The following MFAP3L variants were observed in gnomAD, a reference collection of about 807,000 sequenced individuals.
MFAP3L encodes microfibrillar-associated protein 3-like.
A neutral mutation model predicts 20.0 loss-of-function variants in MFAP3L; 5 were observed. The ratio of observed to expected loss-of-function variants is 0.25; its 90% CI spans 0.13 to 0.53. The LOEUF is 0.53. MFAP3L is among the 20% of genes least tolerant of loss of function. The pLI, the probability that MFAP3L is intolerant of heterozygous loss-of-function variation, is 0.96. For synonymous variants in MFAP3L, 219 were observed against 213.0 expected (o/e 1.03, Z -0.25); for missense variants, 409 against 527.5 (o/e 0.78, Z 2.20).
chr4:170,024,038 CAAGT>C (rs1277287417), intron 1 of MFAP3L, among the ~76,000 whole-genome samples: 1 of 152,142 alleles, frequency 6.6e-6, no homozygotes, highest in East Asian at 1.9e-4. Context: ...ACGTGCCTAG[CAAGT>C]GAGCTGCAAG....
intron 1 of MFAP3L, among the ~76,000 whole-genome samples, chr4:170,018,581 G>A (rs541895087): frequency 1.4e-4 from 22 of 152,228 alleles, no homozygotes; most frequent in African/African-American, 4.8e-4. Context: ...GCACGTCCTG[G>A]GTACAGAGGC....
At chr4:170,025,290 T>G (rs938717658) in intron 1 of MFAP3L, among the ~76,000 whole-genome samples, 1 of 152,198 alleles carries the variant, frequency 6.6e-6, no homozygotes, top group African/African-American at 2.4e-5. Context: ...AAAAATGTGT[T>G]TCATCTAGAA....
upstream of MFAP3L, chr4:170,027,156 G>C (rs1316181471): frequency 2.0e-5 from 3 of 150,394 alleles, no homozygotes; most frequent in South Asian, 4.2e-4. Context: ...AAATTATTAA[G>C]TACCTACAGA....
chr4:170,011,256 T>C (rs111537216), intron 1 of MFAP3L, among the ~76,000 whole-genome samples: 44 of 152,268 alleles, frequency 2.9e-4, no homozygotes, highest in African/African-American at 9.1e-4. Context: ...CAGACGCATA[T>C]GGGAATCTAA....
intron 1 of MFAP3L, among the ~76,000 whole-genome samples, chr4:170,019,219 T>C (rs1739881537): frequency 6.6e-6 from 1 of 152,078 alleles, no homozygotes; most frequent in African/African-American, 2.4e-5. Context: ...CTGCCACAAA[T>C]ATAGAGCCCT....
chr4:170,013,546 A>G (rs1451378436), intron 1 of MFAP3L, among the ~76,000 whole-genome samples: 1 of 152,218 alleles, frequency 6.6e-6, no homozygotes, highest in Non-Finnish European at 1.5e-5. Context: ...GGAGGCCTAG[A>G]GAAGGTATGG....
At chr4:170,009,426 T>C (rs1002952965) in intron 1 of MFAP3L, among the ~76,000 whole-genome samples, 4 of 147,786 alleles carry the variant, frequency 2.7e-5, no homozygotes, top group African/African-American at 1.0e-4. Context: ...CAATCTAACA[T>C]TGTGAAAGAC....
chr4:169,992,014 C>G lies in MFAP3L; in HGVS notation c.594G>C (p.Leu198=). ...EFFRTEGAEK[L]QKAFEIAKRI... ...GCTTGGCGATCTCAAATGCCTTCTG[C>G]AGCTTCTCTGCACCTTCGGTCCTAA... is the stretch of plus-strand genomic sequence containing the variant. The change falls in exon 3 of 3, where the codon CTG becomes CTC. Residue 198 remains leucine (L), a synonymous_variant. Transcript: ENST00000361618. The surrounding 1 kb of genome is among the most constrained non-coding windows in gnomAD (Gnocchi z 4.3). 6.2e-7 allele frequency: 1 copy of G among 1,614,192 alleles called. No homozygotes were observed. The highest frequency in any genetic ancestry group is 8.5e-7 in the Non-Finnish European group (1 of 1,180,042).
Position 170,005,935 on chromosome 4 carries a change from C to A in MFAP3L, c.-58G>T. 5.8e-6 allele frequency: 9 copies of A among 1,560,718 alleles called. No homozygotes were observed. Among genetic ancestry groups the A allele is most frequent in the East Asian group, 2.3e-5 (1 of 43,208 alleles). ...ATGGTTTGCCAACCGAATCTTCTAT[C>A]AGACAACACACTGTTCACAGCAGGT... On this transcript the variant is annotated 5_prime_UTR_variant, in exon 2 of 3. An upstream open reading frame in the 5' UTR loses its in-frame stop. Coordinates refer to ENST00000361618, the MANE Select transcript of MFAP3L (RefSeq NM_021647.8).
chr4:170,020,124 C>T (rs886722184), intron 1 of MFAP3L, among the ~76,000 whole-genome samples: 2 of 152,188 alleles, frequency 1.3e-5, no homozygotes, highest in Non-Finnish European at 2.9e-5. Context: ...TAAGCACAGG[C>T]AGTGGAAGTT....
At position 169,991,085 on chromosome 4, in the gene MFAP3L, G is replaced by C. The variant is rs1344120142; in HGVS notation, c.*293C>G. 2.3e-6 allele frequency: 1 copy of C among 433,468 alleles called. No individual in the cohort carries two copies. The highest frequency in any genetic ancestry group is 4.1e-6 in the Non-Finnish European group (1 of 243,766). The allele number at this position is 433,468 out of a possible 1,614,324, so 26.9% of individuals were successfully genotyped here. A position where few individuals can be genotyped will look rare whatever the true frequency, so the allele number is the denominator to read the frequency against. The stretch of plus-strand genomic sequence containing the variant: ...CTTACAGTGGTGTACTCTTTGCCAA[G>C]AAGGCATCACCAATTAAGGTATTTG... On this transcript the variant is annotated 3_prime_UTR_variant, in exon 3 of 3. Coordinates refer to ENST00000361618, the MANE Select transcript of MFAP3L (RefSeq NM_021647.8). The surrounding 1 kb of genome is among the most constrained non-coding windows in gnomAD (Gnocchi z 4.9).
intron 1 of MFAP3L, among the ~76,000 whole-genome samples, chr4:170,021,386 C>T (rs192272586): frequency 6.6e-6 from 1 of 152,340 alleles, no homozygotes; most frequent in East Asian, 1.9e-4. Context: ...ATGGTTTACA[C>T]TGACCTAGTA....
In MFAP3L at chr4:169,992,140, C is replaced by A; in HGVS notation, c.468G>T (p.Val156=). The change falls in exon 3 of 3, where the codon GTG becomes GTT. Residue 156 remains valine, a synonymous_variant. Coordinates refer to ENST00000361618, the MANE Select transcript of MFAP3L (RefSeq NM_021647.8). This position sits in a 1 kb window ranked among gnomAD's most constrained non-coding sequence, Gnocchi z 4.3. ...TGACGATGGTGAAGGCCACCAGGCA[C>A]ACGACCATGTAGTAGACACCCATGT... ...SGDMGVYYMV[V]CLVAFTIVMV... 4 of 1,614,144 alleles carry A rather than the reference C, an allele frequency of 2.5e-6. No individual in the cohort carries two copies. Among genetic ancestry groups the A allele is most frequent in the Non-Finnish European group, 3.4e-6 (4 of 1,180,036 alleles).
At chr4:170,018,144 A>C (rs1187382817) in intron 1 of MFAP3L, among the ~76,000 whole-genome samples, 1 of 152,234 alleles carries the variant, frequency 6.6e-6, no homozygotes, top group Non-Finnish European at 1.5e-5. Context: ...AATTCAGAGG[A>C]GGCCAAGCTG....
Position 169,992,971 on chromosome 4 carries a change from G to T in MFAP3L, c.299-662C>A, listed in dbSNP as rs1302894832. Among the ~76,000 whole-genome samples the T allele has an allele frequency of 6.6e-6, 1 of 152,156 alleles. No individual in the cohort carries two copies. The highest frequency in any genetic ancestry group is 1.5e-5 in the Non-Finnish European group (1 of 68,032). ...TAACAATGTGAGTATTCAGAGGCTG[G>T]ATATGAATTAATATCAATTTGTTTT... On this transcript the variant is annotated intron_variant, in intron 2 of 2. Transcript: ENST00000361618. The surrounding 1 kb of genome is among the most constrained non-coding windows in gnomAD (Gnocchi z 4.3).
intron 1 of MFAP3L, among the ~76,000 whole-genome samples, chr4:170,009,375 G>A (rs1227289747): frequency 3.7e-5 from 5 of 134,036 alleles, no homozygotes; most frequent in Admixed American, 7.5e-5. Flanking sequence ...AGAGCAAGAC[G>A]CTGTCTCAAA....
intron 2 of MFAP3L, chr4:169,994,644 G>A: frequency 1.4e-6 from 1 of 716,678 alleles, no homozygotes; most frequent in Admixed American, 6.3e-5. Context: ...ACTACTTACA[G>A]GCACTTCAAA....
At chr4:170,013,854 T>C (rs770495801) in intron 1 of MFAP3L, among the ~76,000 whole-genome samples, 1 of 152,234 alleles carries the variant, frequency 6.6e-6, no homozygotes, top group Non-Finnish European at 1.5e-5. Context: ...GGCACCACCA[T>C]GGCTCATCGT....
intron 1 of MFAP3L, among the ~76,000 whole-genome samples, chr4:170,016,657 T>C (rs536347502): frequency 6.6e-6 from 1 of 152,372 alleles, no homozygotes; most frequent in East Asian, 1.9e-4. Context: ...AGAAACACAC[T>C]TTGCTCAAAG....
Sources: allele counts gnomAD v4.1 joint callset (sites outside exome capture counted in the v4.1 genomes callset), GRCh38; gene constraint gnomAD v4.1.1; non-coding constraint Gnocchi (gnomAD v3.1); transcripts MANE v1.5; gene names NCBI Gene and HGNC (gene_info 2026-07-23, HGNC 2026-07-21).